The following CDC42BPA variants were observed in gnomAD, a reference collection of about 807,000 sequenced individuals.
CDC42BPA encodes serine/threonine-protein kinase MRCK alpha.
A neutral mutation model predicts 223.5 loss-of-function variants in CDC42BPA; 80 were observed. That is an observed-to-expected ratio of 0.36 (90% CI 0.30 to 0.43). The LOEUF (loss-of-function observed/expected upper bound fraction) is 0.43, where lower values mean the gene tolerates loss of function less well. CDC42BPA is among the 20% of genes least tolerant of loss of function. The pLI, the probability that CDC42BPA is intolerant of heterozygous loss-of-function variation, is 1.00. For synonymous variants in CDC42BPA, 694 were observed against 718.6 expected, an observed-to-expected ratio of 0.97 and a Z score of 0.55; for missense variants, 1,743 against 2,099.9, an observed-to-expected ratio of 0.83 and a Z score of 3.32.
chr1:227,233,737 A>T (rs1678470432), intron 2 of CDC42BPA, among the ~76,000 whole-genome samples: 1 of 152,174 alleles, frequency 6.6e-6, no homozygotes, highest in Non-Finnish European at 1.5e-5. Flanking sequence ...GTTTGAGATC[A>T]GCCTGGTCAA....
At chr1:227,002,575 A>G (rs1373964316) in intron 35 of CDC42BPA, among the ~76,000 whole-genome samples, 1 of 152,204 alleles carries the variant, frequency 6.6e-6, no homozygotes, top group Non-Finnish European at 1.5e-5. Context: ...GGTCTGTGTG[A>G]TCAACAGCAT....
chr1:227,160,452 TATA>T, intron 6 of CDC42BPA, 88 bp downstream of exon 6: 1 of 858,586 alleles, frequency 1.2e-6, no homozygotes, highest in Non-Finnish European at 2.0e-6. Flanking sequence ...GGGTAGATAG[TATA>T]AATAGATGGT....
rs1221957811 is a variant in CDC42BPA at position 227,016,097 on chromosome 1, G to C, written c.4840C>G (p.Leu1614Val). The change falls in exon 34 of 37, where the codon CTG becomes GTG. Residue 1614 changes from leucine (L) to valine (V), a missense_variant. By Grantham distance (32) the Leu-to-Val change is conservative. Transcript: ENST00000366766. Reference protein sequence around the residue: ...HMGPGDGIQILKDLPMNPRPQ... With the variant: ...HMGPGDGIQIVKDLPMNPRPQ... ...CCTCTTACCATGGGCAGATCTTTCAGGATCTGTATTCCATCTCCAGGACCC... is the reference window on the plus strand; with the variant it reads ...CCTCTTACCATGGGCAGATCTTTCACGATCTGTATTCCATCTCCAGGACCC... The C allele has an allele frequency of 6.3e-7, 1 of 1,579,498 alleles. No individual in the cohort carries two copies. The highest frequency in any genetic ancestry group is 8.7e-7 in the Non-Finnish European group (1 of 1,149,076).
intron 2 of CDC42BPA, among the ~76,000 whole-genome samples, chr1:227,249,649 C>T (rs915190566): frequency 6.6e-6 from 1 of 152,130 alleles, no homozygotes; most frequent in South Asian, 2.1e-4. Context: ...TTTGAATAGA[C>T]CTTTCTATAA....
At chr1:227,051,051 AAC>A (rs1673437831) in intron 22 of CDC42BPA, among the ~76,000 whole-genome samples, 1 of 152,210 alleles carries the variant, frequency 6.6e-6, no homozygotes, top group Non-Finnish European at 1.5e-5. Context: ...GGGTCTCATT[AAC>A]TTAAACAATT....
At chr1:226,998,994 G>A (rs564578604) in intron 35 of CDC42BPA, among the ~76,000 whole-genome samples, 34 of 152,200 alleles carry the variant, frequency 2.2e-4, no homozygotes, top group Admixed American at 5.9e-4. Flanking sequence ...AATATGAACA[G>A]ACACTTCTCA....
chr1:227,256,822 G>A (rs1683112986), intron 1 of CDC42BPA, among the ~76,000 whole-genome samples: 1 of 151,990 alleles, frequency 6.6e-6, no homozygotes, highest in Admixed American at 6.6e-5. Flanking sequence ...ATCAAAAGAA[G>A]AGATTCAAAC....
intron 2 of CDC42BPA, among the ~76,000 whole-genome samples, chr1:227,253,282 G>A (rs560946034): frequency 6.6e-5 from 10 of 152,320 alleles, no homozygotes; most frequent in Admixed American, 5.2e-4. Flanking sequence ...GCGCGCGTGC[G>A]CGTGCATGTG....
At chr1:227,090,512 G>A (rs1307454784) in intron 16 of CDC42BPA, among the ~76,000 whole-genome samples, 2 of 152,028 alleles carry the variant, frequency 1.3e-5, no homozygotes, top group African/African-American at 4.8e-5. Context: ...TTCTGGGCTG[G>A]GCGCAGTGGC....
At chr1:227,004,892 T>C (rs779538765) in intron 35 of CDC42BPA, 102 bp downstream of exon 35, 1 of 831,344 alleles carries the variant, frequency 1.2e-6, no homozygotes, top group Admixed American at 1.7e-5. Context: ...GAGAATGCAA[T>C]GGGCACACGT....
In CDC42BPA at chr1:227,213,230, TAAAGG is replaced by T. The variant is rs748576330; in HGVS notation, c.271-16_271-12del. 7.6e-7 allele frequency: 1 copy of T among 1,316,260 alleles called. No individual in the cohort carries two copies. Among genetic ancestry groups the T allele is most frequent in the Non-Finnish European group, 1.1e-6 (1 of 936,192 alleles). The allele number at this position is 1,316,260 out of a possible 1,614,324, so 81.5% of individuals were successfully genotyped here. A position where few individuals can be genotyped will look rare whatever the true frequency, so the allele number is the denominator to read the frequency against. On this transcript the variant is annotated splice_polypyrimidine_tract_variant and intron_variant, in intron 2 of 36. Coordinates refer to ENST00000366766, the MANE Select transcript of CDC42BPA (RefSeq NM_001394014.1). ...TTTTACTACAGCAACCTAGAAAAGA[TAAAGG>T]AAATATAAATTTTAAAATAATGACA...
intron 5 of CDC42BPA, among the ~76,000 whole-genome samples, chr1:227,189,891 A>G (rs1669438301): frequency 6.6e-6 from 1 of 152,202 alleles, no homozygotes; most frequent in Non-Finnish European, 1.5e-5. Flanking sequence ...TTCATGAATT[A>G]TAACACATTT....
chr1:227,083,620 A>AT, intron 16 of CDC42BPA, among the ~76,000 whole-genome samples: 1 of 152,110 alleles, frequency 6.6e-6, no homozygotes, highest in South Asian at 2.1e-4. Context: ...ATGCCTGGTA[A>AT]TTTTTTACTG....
chr1:227,205,059 G>C (rs921449309), intron 3 of CDC42BPA, among the ~76,000 whole-genome samples: 1 of 152,008 alleles, frequency 6.6e-6, no homozygotes, highest in African/African-American at 2.4e-5. Context: ...AGGAGTTCAA[G>C]ACCAGCCTGG....
At chr1:227,039,872 C>CAGAT (rs10664152) in intron 24 of CDC42BPA, among the ~76,000 whole-genome samples, 125,920 of 151,694 alleles carry the variant, frequency 0.83, 52,301 homozygotes, top group East Asian at 0.88. Context: ...TTTCTTCTGT[C>CAGAT]AGGTTAATGT....
chr1:226,994,340 T>TG lies in CDC42BPA; in HGVS notation c.5192dup (p.Ser1732LysfsTer17), dbSNP rs869029351. ...TGGTTTTTCGGGGTGAAGCTGGGCT[T>TG]GGGGGGCTGCTTAGGTTGGAACTGT... On this transcript the variant is annotated frameshift_variant, in exon 37 of 37. Transcript: ENST00000366766. LOFTEE classifies it high-confidence loss of function. This position sits in a 1 kb window ranked among gnomAD's most constrained non-coding sequence, Gnocchi z 4.0. The TG allele has an allele frequency of 1.3e-6, 2 of 1,597,510 alleles. No individual in the cohort carries two copies. Among genetic ancestry groups the TG allele is most frequent in the Non-Finnish European group, 1.7e-6 (2 of 1,170,620 alleles).
chr1:227,267,006 GT>G (rs1416422258), intron 1 of CDC42BPA, among the ~76,000 whole-genome samples: 3 of 152,092 alleles, frequency 2.0e-5, no homozygotes, highest in African/African-American at 7.2e-5. Flanking sequence ...GAAAACATTG[GT>G]TTAAAGTTGT....
intron 35 of CDC42BPA, 124 bp from the exon 36 acceptor site, chr1:226,995,104 C>T: frequency 3.8e-6 from 3 of 788,964 alleles, no homozygotes; most frequent in South Asian, 3.5e-5. Flanking sequence ...CCCTGAAGCG[C>T]AGTAAGTCCA....
At chr1:227,306,989 T>G (rs1346396396) in intron 1 of CDC42BPA, among the ~76,000 whole-genome samples, 1 of 152,210 alleles carries the variant, frequency 6.6e-6, no homozygotes. Context: ...TACAAAACTT[T>G]CATAAAATCT....
Sources: allele counts gnomAD v4.1 joint callset (sites outside exome capture counted in the v4.1 genomes callset), GRCh38; gene constraint gnomAD v4.1.1; non-coding constraint Gnocchi (gnomAD v3.1); transcripts MANE v1.5; gene names NCBI Gene and HGNC (gene_info 2026-07-23, HGNC 2026-07-21).